CLVS1: variants seen among roughly 807,000 people sequenced by gnomAD.
CLVS1 encodes the protein clavesin 1, also known as clavesin-1.
CLVS1 carries 10 observed loss-of-function variants against 33.1 expected under a neutral mutation model. The observed-to-expected ratio is 0.30, with a 90% CI of 0.19 to 0.51. CLVS1 has a LOEUF of 0.51. Ranked by LOEUF, CLVS1 falls within the 20% of genes least tolerant of loss-of-function variation. The pLI is 0.97. For synonymous variants in CLVS1, 163 were observed against 166.1 expected (o/e 0.98, Z 0.14); for missense variants, 343 against 433.4 (o/e 0.79, Z 1.85).
the CLVS1 span, among the ~76,000 whole-genome samples, chr8:60,986,384 C>T: frequency 2.0e-5 from 3 of 152,160 alleles, no homozygotes; most frequent in Admixed American, 6.5e-5. Flanking sequence ...GAAACAGAAA[C>T]AGAGGCAGGA....
At chr8:61,213,171 G>A (rs1181552207) in intron 2 of CLVS1, among the ~76,000 whole-genome samples, 1 of 150,970 alleles carries the variant, frequency 6.6e-6, no homozygotes, top group African/African-American at 2.4e-5. Context: ...ACCCCTTGGG[G>A]ATATTCAAGG....
At chr8:61,389,521 C>A (rs28506817) in intron 3 of CLVS1, among the ~76,000 whole-genome samples, 1 of 151,038 alleles carries the variant, frequency 6.6e-6, no homozygotes, top group African/African-American at 2.4e-5. Flanking sequence ...CCAGCCTGGG[C>A]GACTCCATCT....
chr8:61,032,459 C>T, the CLVS1 span, among the ~76,000 whole-genome samples: 1 of 152,200 alleles, frequency 6.6e-6, no homozygotes, highest in Non-Finnish European at 1.5e-5. Flanking sequence ...GGAAGCAATG[C>T]CTATCCTCCT....
chr8:61,375,085 C>T (rs1287436511), intron 2 of CLVS1, among the ~76,000 whole-genome samples: 1 of 152,114 alleles, frequency 6.6e-6, no homozygotes, highest in Non-Finnish European at 1.5e-5. Flanking sequence ...TCCCTGACTA[C>T]TCAAATTGTA....
At chr8:61,355,816 T>G (rs1224023082) in intron 2 of CLVS1, among the ~76,000 whole-genome samples, 1 of 152,202 alleles carries the variant, frequency 6.6e-6, no homozygotes, top group Non-Finnish European at 1.5e-5. Flanking sequence ...TCTATCATTG[T>G]TGGACATTTG....
intron 5 of CLVS1, among the ~76,000 whole-genome samples, chr8:61,492,251 A>C (rs935154391): frequency 3.3e-5 from 5 of 152,352 alleles, no homozygotes; most frequent in Middle Eastern, 3.4e-3. Context: ...AGGTGAAATT[A>C]ATTTTAATGT....
rs4033854 is a variant in CLVS1, at chr8:61,086,035, C to CAAAA, written c.-243+28844_-243+28847dup. Among the ~76,000 whole-genome samples, 14 of 31,248 alleles carry CAAAA rather than the reference C, an allele frequency of 4.5e-4. 1 individual carries two copies. The highest frequency in any genetic ancestry group is 1.9e-3 in the South Asian group (1 of 522). The allele number at this position is 31,248 out of a possible 152,430, so 20.5% of individuals were successfully genotyped here. On this transcript the variant is annotated intron_variant, in intron 1 of 2. Transcript: ENST00000522621. ...TGGGCGACAGAGCGAGACTCCCTCT[C>CAAAA]AAAAAAAAAAAAAAAAAAAAAAAAA...
intron 2 of CLVS1, among the ~76,000 whole-genome samples, chr8:61,304,292 G>A (rs1360757466): frequency 3.3e-5 from 5 of 152,346 alleles, no homozygotes; most frequent in African/African-American, 7.2e-5. Context: ...ACACTATCCC[G>A]TGAGGGCTCA....
intron 3 of CLVS1, among the ~76,000 whole-genome samples, chr8:61,393,758 C>A (rs1242476137): frequency 6.6e-6 from 1 of 152,166 alleles, no homozygotes. Context: ...TGATGTGATC[C>A]ATTTTCAGGA....
In CLVS1 at chr8:61,121,297, C is replaced by T. The variant is rs531782427; in HGVS notation, c.-242-10473C>T. Among the ~76,000 whole-genome samples the T allele has an allele frequency of 1.9e-3, 282 of 152,282 alleles. 5 individuals carry two copies. Among genetic ancestry groups the T allele is most frequent in the Non-Finnish European group, 6.8e-4 (46 of 68,022 alleles). On this transcript the variant is annotated intron_variant, in intron 1 of 2. Transcript: ENST00000522621. ...CTGGCACTCCCTAGTGAGATGAACC[C>T]GGTACCTCAGATGGAAATGCAGAAA...
chr8:61,179,577 A>G (rs956654489), intron 2 of CLVS1, among the ~76,000 whole-genome samples: 3 of 152,222 alleles, frequency 2.0e-5, no homozygotes, highest in African/African-American at 7.2e-5. Context: ...TCTAAAATCA[A>G]CCACATAATT....
intron 2 of CLVS1, among the ~76,000 whole-genome samples, chr8:61,303,416 GC>G (rs1299013237): frequency 6.6e-6 from 1 of 152,120 alleles, no homozygotes; most frequent in Non-Finnish European, 1.5e-5. Flanking sequence ...ATACCTGCCA[GC>G]TCTAATGGCT....
the CLVS1 span, among the ~76,000 whole-genome samples, chr8:61,028,611 T>G: frequency 6.6e-6 from 1 of 152,130 alleles, no homozygotes; most frequent in Non-Finnish European, 1.5e-5. Flanking sequence ...TCTGGTTGGG[T>G]ATGGGAAGGG....
At chr8:61,052,313 A>C (rs1314417163), upstream of CLVS1, among the ~76,000 whole-genome samples, 1 of 152,226 alleles carries the variant, frequency 6.6e-6, no homozygotes, top group Non-Finnish European at 1.5e-5. Flanking sequence ...AAATAAGTAA[A>C]ACGATGTTTA....
chr8:61,146,250 G>A (rs1806412469), intron 2 of CLVS1, among the ~76,000 whole-genome samples: 1 of 152,184 alleles, frequency 6.6e-6, no homozygotes, highest in Non-Finnish European at 1.5e-5. Context: ...AAAGAGGGAA[G>A]TATGTCACTC....
chr8:61,340,048 A>C (rs528671328), intron 2 of CLVS1, among the ~76,000 whole-genome samples: 1 of 151,730 alleles, frequency 6.6e-6, no homozygotes, highest in Non-Finnish European at 1.5e-5. Flanking sequence ...AAAGGAAGGA[A>C]AGAAAAAAGA....
intron 2 of CLVS1, among the ~76,000 whole-genome samples, chr8:61,196,594 T>G (rs1807614363): frequency 6.6e-6 from 1 of 152,220 alleles, no homozygotes; most frequent in South Asian, 2.1e-4. Flanking sequence ...TGTTCTTACC[T>G]GTTTCCCCTA....
At chr8:61,283,419 A>G (rs911210923), upstream of CLVS1, among the ~76,000 whole-genome samples, 5 of 152,200 alleles carry the variant, frequency 3.3e-5, no homozygotes, top group African/African-American at 1.2e-4. Context: ...TTGCAGAAAT[A>G]TGCTTGAGTT....
At chr8:61,295,343 G>A (rs183388400) in intron 1 of CLVS1, among the ~76,000 whole-genome samples, 17 of 152,258 alleles carry the variant, frequency 1.1e-4, no homozygotes, top group South Asian at 4.1e-4. Context: ...GACAAGATCT[G>A]TTATCTTTGA....
Sources: allele counts gnomAD v4.1 joint callset (sites outside exome capture counted in the v4.1 genomes callset), GRCh38; gene constraint gnomAD v4.1.1; transcripts MANE v1.5; gene names NCBI Gene and HGNC (gene_info 2026-07-23, HGNC 2026-07-21).